Variants in C1QTNF7 observed in about 807,000 individuals in gnomAD.
C1QTNF7 encodes the protein complement C1q tumor necrosis factor-related protein 7.
C1QTNF7 carries 15 observed loss-of-function variants against 19.6 expected under a neutral mutation model. That is an observed-to-expected ratio of 0.76 (90% CI 0.51 to 1.18). The LOEUF (loss-of-function observed/expected upper bound fraction) is 1.18, where lower values mean the gene tolerates loss of function less well. C1QTNF7 is among the 50% of genes most tolerant of loss of function. C1QTNF7 has a pLI of 0.00. For synonymous variants in C1QTNF7, 142 were observed against 137.5 expected (o/e 1.03, Z -0.23); for missense variants, 324 against 359.7 (o/e 0.90, Z 0.80).
intron 1 of C1QTNF7, among the ~76,000 whole-genome samples, chr4:15,403,761 G>GCAACTAAACT (rs1719083052): frequency 6.6e-6 from 1 of 152,174 alleles, no homozygotes; most frequent in African/African-American, 2.4e-5. Context: ...ATTTCTGAAT[G>GCAACTAAACT]GTGTAACAAC....
At chr4:15,340,677 CT>C (rs1716507506) in intron 1 of C1QTNF7, among the ~76,000 whole-genome samples, 1 of 152,104 alleles carries the variant, frequency 6.6e-6, no homozygotes, top group Admixed American at 6.5e-5. Context: ...GTTACTATGG[CT>C]TCTTATTAAC....
intron 1 of C1QTNF7, among the ~76,000 whole-genome samples, chr4:15,394,692 T>C (rs548605054): frequency 3.3e-5 from 5 of 152,170 alleles, no homozygotes; most frequent in African/African-American, 1.2e-4. Context: ...TTTTCAAAAA[T>C]TACAAACATG....
chr4:15,371,034 C>T (rs968712692), intron 1 of C1QTNF7, among the ~76,000 whole-genome samples: 3 of 152,200 alleles, frequency 2.0e-5, no homozygotes, highest in Admixed American at 1.3e-4. Flanking sequence ...GGTAGGAATT[C>T]CTCCTAGTTC....
At chr4:15,420,340 C>A (rs982994862) in intron 1 of C1QTNF7, among the ~76,000 whole-genome samples, 1 of 152,192 alleles carries the variant, frequency 6.6e-6, no homozygotes, top group African/African-American at 2.4e-5. Flanking sequence ...AGTTCAGTCC[C>A]TAAGGAGAGT....
At chr4:15,401,497 A>G (rs919871790) in intron 1 of C1QTNF7, among the ~76,000 whole-genome samples, 1 of 152,208 alleles carries the variant, frequency 6.6e-6, no homozygotes, top group African/African-American at 2.4e-5. Flanking sequence ...TTTGAATGAC[A>G]CCAGTACCAA....
chr4:15,340,421 A>G (rs1003727277), intron 1 of C1QTNF7, among the ~76,000 whole-genome samples: 1 of 152,164 alleles, frequency 6.6e-6, no homozygotes, highest in Admixed American at 6.5e-5. Flanking sequence ...CTCTGTAAAT[A>G]TCTTTCACTA....
chr4:15,376,155 T>C (rs1174587771), intron 1 of C1QTNF7, among the ~76,000 whole-genome samples: 3 of 152,222 alleles, frequency 2.0e-5, no homozygotes, highest in Non-Finnish European at 4.4e-5. Flanking sequence ...TTCCCCTTCT[T>C]GTATAAACAT....
intron 1 of C1QTNF7, among the ~76,000 whole-genome samples, chr4:15,354,885 G>A (rs183880267): frequency 2.1e-4 from 32 of 152,184 alleles, no homozygotes; most frequent in Admixed American, 2.0e-3. Flanking sequence ...ATACTTTAAG[G>A]ATAATTTTCT....
intron 1 of C1QTNF7, among the ~76,000 whole-genome samples, chr4:15,415,709 G>A (rs1455328885): frequency 2.0e-5 from 3 of 151,512 alleles, no homozygotes; most frequent in Non-Finnish European, 2.9e-5. Context: ...CTCCCACTCT[G>A]GCCTCCCAAA....
At chr4:15,379,682 A>G (rs1718070369) in intron 1 of C1QTNF7, among the ~76,000 whole-genome samples, 1 of 152,224 alleles carries the variant, frequency 6.6e-6, no homozygotes, top group Non-Finnish European at 1.5e-5. Context: ...GGAAGAATTT[A>G]CTACGAGTTT....
chr4:15,435,154 C>T (rs1489842468), intron 1 of C1QTNF7, among the ~76,000 whole-genome samples: 1 of 152,106 alleles, frequency 6.6e-6, no homozygotes, highest in African/African-American at 2.4e-5. Context: ...GGGTTCTGTA[C>T]ATAAAAGATA....
chr4:15,370,318 G>T (rs2109305765), intron 1 of C1QTNF7, among the ~76,000 whole-genome samples: 1 of 152,322 alleles, frequency 6.6e-6, no homozygotes, highest in South Asian at 2.1e-4. Context: ...ATAGGAAAGT[G>T]TGAGATTCTA....
At chr4:15,442,041 T>G in intron 2 of C1QTNF7, 127 bp from the exon 3 acceptor site, 2 of 976,378 alleles carry the variant, frequency 2.0e-6, no homozygotes, top group Non-Finnish European at 3.0e-6. Context: ...AAGTTTATTA[T>G]TTAGTAGTAC....
At chr4:15,347,899 A>C (rs1388041143) in intron 1 of C1QTNF7, among the ~76,000 whole-genome samples, 1 of 152,204 alleles carries the variant, frequency 6.6e-6, no homozygotes, top group African/African-American at 2.4e-5. Context: ...GTTTTAGTTC[A>C]TAGTTAACTA....
intron 1 of C1QTNF7, among the ~76,000 whole-genome samples, chr4:15,434,180 C>G (rs1344398125): frequency 6.7e-6 from 1 of 149,544 alleles, no homozygotes; most frequent in African/African-American, 2.5e-5. Flanking sequence ...TTTTTTTTTT[C>G]AACTAGTAAC....
chr4:15,386,858 G>A (rs73230983), intron 1 of C1QTNF7, among the ~76,000 whole-genome samples: 4,419 of 152,276 alleles, frequency 0.029, 102 homozygotes, highest in South Asian at 0.11. Flanking sequence ...CTGGTTGGGA[G>A]AGGCAGGCCA....
chr4:15,398,965 T>C (rs1389966070), intron 1 of C1QTNF7, among the ~76,000 whole-genome samples: 1 of 152,186 alleles, frequency 6.6e-6, no homozygotes, highest in South Asian at 2.1e-4. Flanking sequence ...GCTGTCCGTA[T>C]GCACAGTGGC....
At chr4:15,414,476 C>T (rs1323409882) in intron 1 of C1QTNF7, among the ~76,000 whole-genome samples, 1 of 152,020 alleles carries the variant, frequency 6.6e-6, no homozygotes, top group African/African-American at 2.4e-5. Context: ...CTAAAGAACA[C>T]ACTAATAGGG....
intron 1 of C1QTNF7, among the ~76,000 whole-genome samples, chr4:15,418,057 A>C (rs922148816): frequency 2.0e-5 from 3 of 152,186 alleles, no homozygotes; most frequent in Admixed American, 6.5e-5. Flanking sequence ...ATGAGCCCGC[A>C]TGGACAAGTG....
Sources: gnomAD v4.1 joint callset for allele counts (sites outside exome capture counted in the v4.1 genomes callset) on GRCh38, gnomAD v4.1.1 for gene constraint, MANE v1.5 for transcripts, NCBI Gene and HGNC (gene_info 2026-07-23, HGNC 2026-07-21) for gene names.